MS4A7: variants seen among roughly 807,000 people sequenced by gnomAD.
MS4A7 encodes the protein membrane spanning 4-domains A7, also known as membrane-spanning 4-domains subfamily A member 7.
Under a neutral mutation model 23.5 loss-of-function variants are expected in MS4A7, and 21 were observed. The ratio of observed to expected loss-of-function variants is 0.89; its 90% CI spans 0.63 to 1.29. The LOEUF (loss-of-function observed/expected upper bound fraction) is 1.29. Among genes scored for constraint, MS4A7 ranks in the 50% most tolerant of loss-of-function variants. The pLI is 0.00. For missense variants in MS4A7, 263 were observed against 274.2 expected (o/e 0.96, Z 0.29); for synonymous variants, 111 against 107.4 (o/e 1.03, Z -0.21).
Position 60,385,109 on chromosome 11 carries a change from C to T in MS4A7, c.169C>T (p.Leu57=), listed in dbSNP as rs2085470597. 1 of 1,613,892 alleles carries T rather than the reference C, an allele frequency of 6.2e-7. No homozygotes were observed. Among genetic ancestry groups the T allele is most frequent in the South Asian group, 1.1e-5 (1 of 91,068 alleles). The part of the protein sequence containing the change: ...VLGTVQILCC[L]LISSLGAILV... Reference sequence around the variant, plus strand: ...GTAGACTGTCCAGATCCTGTGTTGCCTGTTGATTTCAAGTCTGGGGGCCAT... The same window carrying T: ...GTAGACTGTCCAGATCCTGTGTTGCTTGTTGATTTCAAGTCTGGGGGCCAT... Residue 57 remains leucine, a synonymous_variant, in exon 3 of 7, where the codon CTG becomes TTG. Coordinates refer to ENST00000300184, the MANE Select transcript of MS4A7 (RefSeq NM_021201.5).
intron 5 of MS4A7, 114 bp downstream of exon 5, chr11:60,389,710 A>G (rs777026431): frequency 6.5e-6 from 6 of 916,834 alleles, no homozygotes; most frequent in Admixed American, 5.7e-5. Flanking sequence ...CTGGAGACAG[A>G]CAGAAATAAA....
chr11:60,384,181 T>C (rs772758271), intron 2 of MS4A7, among the ~76,000 whole-genome samples: 1 of 152,204 alleles, frequency 6.6e-6, no homozygotes, highest in Non-Finnish European at 1.5e-5. Context: ...GGGTACTCTT[T>C]TAAAAATGAA....
chr11:60,388,625 C>T (rs2085515748), intron 4 of MS4A7, among the ~76,000 whole-genome samples: 2 of 152,176 alleles, frequency 1.3e-5, no homozygotes, highest in Admixed American at 6.5e-5. Flanking sequence ...GGGTGTGTGG[C>T]AGGGAAGAGA....
intron 2 of MS4A7, chr11:60,383,721 G>A (rs1424881066): frequency 6.6e-6 from 1 of 152,498 alleles, no homozygotes; most frequent in Non-Finnish European, 1.5e-5. Flanking sequence ...TGTATTCTTA[G>A]TAGAGATGGG....
At chr11:60,389,363 G>C (rs1453195658) in intron 4 of MS4A7, 27 bp from the exon 5 acceptor site, 1 of 1,579,182 alleles carries the variant, frequency 6.3e-7, no homozygotes, top group Non-Finnish European at 8.6e-7. Flanking sequence ...TCTGTGATGA[G>C]AACCCAATGC....
chr11:60,386,110 C>T (rs576281498), intron 3 of MS4A7, among the ~76,000 whole-genome samples: 8 of 152,232 alleles, frequency 5.3e-5, no homozygotes, highest in African/African-American at 7.2e-5. Context: ...ATCCAAGCCA[C>T]ACACTTAAGC....
At chr11:60,391,668 C>CGTG (rs1565168718) in intron 5 of MS4A7, among the ~76,000 whole-genome samples, 1 of 151,998 alleles carries the variant, frequency 6.6e-6, no homozygotes, top group East Asian at 1.9e-4. Flanking sequence ...ACTGTAATTC[C>CGTG]AGCACATTGG....
intron 6 of MS4A7, 73 bp downstream of exon 6, chr11:60,392,859 G>A: frequency 9.1e-7 from 1 of 1,096,770 alleles, no homozygotes; most frequent in South Asian, 1.3e-5. Context: ...ACCTCAAAAA[G>A]TGGCAAAAAG....
intron 2 of MS4A7, 94 bp from the exon 3 acceptor site, chr11:60,384,994 T>C: frequency 2.6e-6 from 3 of 1,166,896 alleles, no homozygotes; most frequent in Middle Eastern, 2.2e-4. Context: ...AATTATAATG[T>C]ATTTTATACT....
chr11:60,390,495 T>C (rs991656334), intron 5 of MS4A7, among the ~76,000 whole-genome samples: 3 of 152,244 alleles, frequency 2.0e-5, no homozygotes, highest in African/African-American at 7.2e-5. Context: ...GTGTGCAAGC[T>C]TTTGCACTCC....
chr11:60,385,624 CA>C (rs2085477592), intron 3 of MS4A7, among the ~76,000 whole-genome samples: 1 of 152,138 alleles, frequency 6.6e-6, no homozygotes, highest in Non-Finnish European at 1.5e-5. Context: ...ATAAAACGAG[CA>C]CCACTGGTTG....
At chr11:60,392,381 G>A (rs2085562682) in intron 5 of MS4A7, among the ~76,000 whole-genome samples, 1 of 151,986 alleles carries the variant, frequency 6.6e-6, no homozygotes, top group Non-Finnish European at 1.5e-5. Context: ...TACACACCTA[G>A]AAATATCATC....
At chr11:60,384,063 C>T (rs1362819881) in intron 2 of MS4A7, among the ~76,000 whole-genome samples, 1 of 152,146 alleles carries the variant, frequency 6.6e-6, no homozygotes, top group African/African-American at 2.4e-5. Flanking sequence ...ACTTTAATCT[C>T]CATGTGGTTT....
chr11:60,389,535 C>T lies in MS4A7; in HGVS notation c.485C>T (p.Ser162Leu), dbSNP rs774654772. 1.9e-5 allele frequency: 30 copies of T among 1,613,914 alleles called. No homozygotes were observed. The highest frequency in any genetic ancestry group is 5.5e-5 in the South Asian group (5 of 91,076). Residue 162 changes from serine to leucine, a missense_variant, in exon 5 of 7, where the codon TCG becomes TTG. Ser to Leu is a moderately radical substitution (Grantham distance 145, BLOSUM62 -2). Coordinates refer to ENST00000300184, the MANE Select transcript of MS4A7 (RefSeq NM_021201.5). The stretch of plus-strand genomic sequence containing the variant: ...GATTATCTATCCTCATTGCCTTATT[C>T]GGAGTACTATTATCCAATATATGAA... ...EMDYLSSLPY[S>L]EYYYPIYEIK...
chr11:60,389,760 A>G, intron 5 of MS4A7, 164 bp downstream of exon 5: 1 of 653,696 alleles, frequency 1.5e-6, no homozygotes, highest in African/African-American at 1.8e-5. Flanking sequence ...TGCTGACTGC[A>G]TGGTGTGGGG....
rs564187170 is a variant in MS4A7, at chr11:60,387,461, T to A, written c.339+688T>A. On this transcript the variant is annotated intron_variant, in intron 4 of 6. Coordinates refer to ENST00000300184, the MANE Select transcript of MS4A7 (RefSeq NM_021201.5). ...AAATATCAGGTGGGGAGGCATTCAT[T>A]CCCCTGTCAGAAGAGGGTGTTGCCG... Among the ~76,000 whole-genome samples, 7 of 152,142 alleles carry A rather than the reference T, an allele frequency of 4.6e-5. 1 individual carries two copies. The highest frequency in any genetic ancestry group is 1.0e-4 in the Non-Finnish European group (7 of 68,012).
rs377170694 is a variant in MS4A7, at chr11:60,386,714, C to T, written c.283-3C>T. On this transcript the variant is annotated splice_polypyrimidine_tract_variant and splice_region_variant and intron_variant, in intron 3 of 6. Coordinates refer to ENST00000300184, the MANE Select transcript of MS4A7 (RefSeq NM_021201.5). ...ACTGATCATTTCTCTCTCTTCTGGG[C>T]AGTTTGGCATTACTGGATCCCTCTC... is the stretch of plus-strand genomic sequence containing the variant. 6.2e-7 allele frequency: 1 copy of T among 1,611,294 alleles called. No homozygotes were observed. The highest frequency in any genetic ancestry group is 2.2e-5 in the East Asian group (1 of 44,854).
chr11:60,387,818 A>C (rs780770086), intron 4 of MS4A7, among the ~76,000 whole-genome samples: 3 of 152,236 alleles, frequency 2.0e-5, no homozygotes, highest in Admixed American at 6.5e-5. Context: ...AAAAGACAAA[A>C]GCAAACTGAA....
At chr11:60,383,421 T>C in intron 2 of MS4A7, 133 bp downstream of exon 2, 1 of 1,034,650 alleles carries the variant, frequency 9.7e-7, no homozygotes, top group African/African-American at 1.6e-5. Flanking sequence ...GGACATGAAA[T>C]GGAGCTTTAA....
Sources: gnomAD v4.1 joint callset for allele counts (sites outside exome capture counted in the v4.1 genomes callset) on GRCh38, gnomAD v4.1.1 for gene constraint, MANE v1.5 for transcripts, NCBI Gene and HGNC (gene_info 2026-07-23, HGNC 2026-07-21) for gene names.